The following NDUFAF1 variants were observed in gnomAD, a reference collection of about 807,000 sequenced individuals.
NDUFAF1 encodes the protein complex I intermediate-associated protein 30, mitochondrial.
NDUFAF1 carries 18 observed loss-of-function variants against 28.7 expected under a neutral mutation model. That is an observed-to-expected ratio of 0.63 (90% CI 0.43 to 0.93). The LOEUF (loss-of-function observed/expected upper bound fraction) is 0.93. NDUFAF1 is among the 40% of genes least tolerant of loss of function. The pLI is 0.00. For missense variants in NDUFAF1, 404 were observed against 398.3 expected (o/e 1.01, Z -0.12); for synonymous variants, 113 against 139.7 (o/e 0.81, Z 1.35).
At chr15:41,391,153 TTA>T (rs898807243) in intron 3 of NDUFAF1, among the ~76,000 whole-genome samples, 5 of 151,728 alleles carry the variant, frequency 3.3e-5, no homozygotes, top group Admixed American at 1.3e-4. Context: ...TAATAATTCA[TTA>T]TATATATATT....
intron 3 of NDUFAF1, among the ~76,000 whole-genome samples, chr15:41,392,320 C>G (rs1166280708): frequency 6.6e-6 from 1 of 152,060 alleles, no homozygotes; most frequent in Non-Finnish European, 1.5e-5. Flanking sequence ...GTGATCTGCC[C>G]ATCTCAGCCT....
intron 3 of NDUFAF1, among the ~76,000 whole-genome samples, chr15:41,390,041 G>A (rs541879416): frequency 3.3e-5 from 5 of 152,032 alleles, no homozygotes; most frequent in South Asian, 4.1e-4. Context: ...TCAGCTCACT[G>A]CAGCCTTGAC....
intron 1 of NDUFAF1, among the ~76,000 whole-genome samples, chr15:41,398,114 G>A (rs1397114314): frequency 6.7e-6 from 1 of 150,314 alleles, no homozygotes; most frequent in Non-Finnish European, 1.5e-5. Context: ...AGGATCCAGT[G>A]ATTCTCCCCT....
chr15:41,391,453 C>G (rs189606995), intron 3 of NDUFAF1, among the ~76,000 whole-genome samples: 127 of 151,630 alleles, frequency 8.4e-4, no homozygotes, highest in Admixed American at 5.5e-3. Context: ...AATGAAACCC[C>G]ATCTCTCCTA....
chr15:41,397,456 C>T (rs1395460836), intron 1 of NDUFAF1, among the ~76,000 whole-genome samples: 2 of 152,020 alleles, frequency 1.3e-5, no homozygotes, highest in African/African-American at 2.4e-5. Context: ...CCTGGCCAGG[C>T]ACGGTCCCAG....
At chr15:41,395,605 G>A (rs372600909) in intron 2 of NDUFAF1, among the ~76,000 whole-genome samples, 4 of 150,236 alleles carry the variant, frequency 2.7e-5, no homozygotes, top group Admixed American at 2.7e-4. Flanking sequence ...CTCCTGACCT[G>A]GTGATCCGCC....
At chr15:41,392,220 G>A (rs1187265729) in intron 3 of NDUFAF1, among the ~76,000 whole-genome samples, 1 of 151,816 alleles carries the variant, frequency 6.6e-6, no homozygotes, top group African/African-American at 2.4e-5. Context: ...CTACAGGCGT[G>A]TGCCACCACC....
chr15:41,387,546 G>A lies in NDUFAF1; in HGVS notation c.882C>T (p.Phe294=). The A allele has an allele frequency of 6.2e-7, 1 of 1,612,100 alleles. No individual in the cohort carries two copies. The highest frequency in any genetic ancestry group is 8.5e-7 in the Non-Finnish European group (1 of 1,178,244). The change falls in exon 5 of 5, where the codon TTC becomes TTT. Residue 294 remains phenylalanine (F), a synonymous_variant. Transcript: ENST00000260361. ...FTLADKVDGP[F]FLEIDFIGVF... ...CGCCAATAAAATCTATCTCCAGGAA[G>A]AATGGACCATCCACTTTATCAGCCA...
rs567938236 is a variant in NDUFAF1 at position 41,387,567 on chromosome 15, A to G, written c.861T>C (p.Ala287=). 1.1e-5 allele frequency: 18 copies of G among 1,610,826 alleles called. No homozygotes were observed. The Admixed American group carries it at 2.7e-4, about 24-fold the overall frequency. The change falls in exon 5 of 5, where the codon GCT becomes GCC. Residue 287 remains alanine, a synonymous_variant. Coordinates refer to ENST00000260361, the MANE Select transcript of NDUFAF1 (RefSeq NM_016013.4). ...DKISSIGFTL[A]DKVDGPFFLE... ...GGAAGAATGGACCATCCACTTTATC[A>G]GCCAAGGTGAATCCTATAGAAGAGA...
At chr15:41,390,977 C>G (rs1223353427) in intron 3 of NDUFAF1, among the ~76,000 whole-genome samples, 1 of 151,018 alleles carries the variant, frequency 6.6e-6, no homozygotes, top group African/African-American at 2.4e-5. Flanking sequence ...TGCAGTGAGC[C>G]GAGATCCCGC....
intron 2 of NDUFAF1, among the ~76,000 whole-genome samples, chr15:41,395,690 T>C: frequency 7.1e-6 from 1 of 141,412 alleles, no homozygotes; most frequent in South Asian, 2.2e-4. Flanking sequence ...TTTTTTTTTT[T>C]TGAGACAAAG....
At chr15:41,399,465 G>A (rs1377731962) in intron 1 of NDUFAF1, among the ~76,000 whole-genome samples, 1 of 151,048 alleles carries the variant, frequency 6.6e-6, no homozygotes, top group Non-Finnish European at 1.5e-5. Context: ...GCTGAGGCAG[G>A]AGAATCGCTT....
chr15:41,390,621 A>G (rs922874890), intron 3 of NDUFAF1, among the ~76,000 whole-genome samples: 1 of 151,914 alleles, frequency 6.6e-6, no homozygotes, highest in Admixed American at 6.6e-5. Flanking sequence ...GCTACTCAGG[A>G]GGCTGAGGCA....
intron 3 of NDUFAF1, among the ~76,000 whole-genome samples, chr15:41,393,574 G>A (rs911140629): frequency 7.3e-5 from 11 of 149,748 alleles, no homozygotes; most frequent in African/African-American, 2.5e-4. Context: ...ACAGGCGTAA[G>A]CCACCGCGGC....
chr15:41,392,218 G>A (rs955288247), intron 3 of NDUFAF1, among the ~76,000 whole-genome samples: 24 of 151,796 alleles, frequency 1.6e-4, no homozygotes, highest in African/African-American at 5.6e-4. Context: ...GACTACAGGC[G>A]TGTGCCACCA....
chr15:41,395,170 A>C (rs986838283), intron 2 of NDUFAF1, 126 bp from the exon 3 acceptor site: 25 of 808,490 alleles, frequency 3.1e-5, no homozygotes, highest in African/African-American at 2.9e-4. Context: ...CCCCATAAGA[A>C]GGCACATAAA....
At position 41,387,393 on chromosome 15, in the gene NDUFAF1, T is replaced by C. The variant is rs771088024; in HGVS notation, c.*51A>G. On this transcript the variant is annotated 3_prime_UTR_variant, in exon 5 of 5. Coordinates refer to ENST00000260361, the MANE Select transcript of NDUFAF1 (RefSeq NM_016013.4). ...GAAATATTTTATTTTGTCTATATCA[T>C]TGTAGATGCTAGTACCCTTAGATTA... 11 of 1,520,142 alleles carry C rather than the reference T, an allele frequency of 7.2e-6. No homozygotes were observed. Among genetic ancestry groups the C allele is most frequent in the East Asian group, 2.3e-5 (1 of 44,364 alleles). The allele number at this position is 1,520,142 out of a possible 1,614,324, so 94.2% of individuals were successfully genotyped here.
At position 41,396,291 on chromosome 15, in the gene NDUFAF1, T is replaced by C. The variant is rs932202534; in HGVS notation, c.573+196A>G. ...GCAGAAACAAGTTAACTCCTCCTCC[T>C]CAGAAACCACTTCCCCCTTGTGCTT... On this transcript the variant is annotated intron_variant, in intron 2 of 4. Coordinates refer to ENST00000260361, the MANE Select transcript of NDUFAF1 (RefSeq NM_016013.4). Among the ~76,000 whole-genome samples, 12 of 152,038 alleles carry C rather than the reference T, an allele frequency of 7.9e-5. 1 individual carries two copies. Among genetic ancestry groups the C allele is most frequent in the Non-Finnish European group, 1.8e-4 (12 of 68,006 alleles).
intron 1 of NDUFAF1, 59 bp downstream of exon 1, chr15:41,402,085 G>A (rs370066891): frequency 5.1e-6 from 2 of 393,400 alleles, no homozygotes; most frequent in African/African-American, 4.1e-5. Flanking sequence ...GGTGGGTTTT[G>A]ACAACACAAT....
Sources: gnomAD v4.1 joint callset for allele counts (sites outside exome capture counted in the v4.1 genomes callset) on GRCh38, gnomAD v4.1.1 for gene constraint, MANE v1.5 for transcripts, NCBI Gene and HGNC (gene_info 2026-07-23, HGNC 2026-07-21) for gene names.